Variants in BACH2 observed in about 807,000 individuals in gnomAD.
BACH2 encodes transcription regulator protein BACH2.
In BACH2, 5 loss-of-function variants were observed where a neutral mutation model predicts 61.8. The observed-to-expected ratio is 0.08, with a 90% CI of 0.04 to 0.17. The LOEUF is 0.17. BACH2 is among the 10% of genes least tolerant of loss of function. The pLI is 1.00. For missense variants in BACH2, 824 were observed against 1,091.1 expected, an observed-to-expected ratio of 0.76 and a Z score of 3.45; for synonymous variants, 446 against 440.1, an observed-to-expected ratio of 1.01 and a Z score of -0.17.
intron 5 of BACH2, among the ~76,000 whole-genome samples, chr6:90,028,407 A>G (rs1342518603): frequency 6.6e-6 from 1 of 152,182 alleles, no homozygotes; most frequent in Non-Finnish European, 1.5e-5. Context: ...CGTGCTTTGG[A>G]TACTCTATCC....
In BACH2 at chr6:90,103,006, C is replaced by CATATAT. The variant is rs1250122835; in HGVS notation, c.-161-13903_-161-13898dup. 1.4e-3 allele frequency among the ~76,000 whole-genome samples: 63 copies of CATATAT among 44,932 alleles called. 5 individuals carry two copies. Among genetic ancestry groups the CATATAT allele is most frequent in the Middle Eastern group, 0.016 (1 of 62 alleles). The allele number at this position is 44,932 out of a possible 152,430, so 29.5% of individuals were successfully genotyped here. A position where few individuals can be genotyped will look rare whatever the true frequency, so the allele number is the denominator to read the frequency against. ...AAAAACTGCTAAATTTGACACAATA[C>CATATAT]ATATATATATATATATATATATATT... On this transcript the variant is annotated intron_variant, in intron 4 of 8. Coordinates refer to ENST00000257749, the MANE Select transcript of BACH2 (RefSeq NM_021813.4).
chr6:90,051,507 G>C (rs968228459), intron 5 of BACH2, among the ~76,000 whole-genome samples: 6 of 152,152 alleles, frequency 3.9e-5, no homozygotes, highest in Admixed American at 2.6e-4. Flanking sequence ...TTGAGTAGTA[G>C]TGAGAGAGAC....
At chr6:90,137,828 T>C (rs1040599865) in intron 4 of BACH2, among the ~76,000 whole-genome samples, 7 of 152,102 alleles carry the variant, frequency 4.6e-5, no homozygotes, top group African/African-American at 1.7e-4. Context: ...TGCCCAGACT[T>C]CTAATAAGAT....
At chr6:90,192,232 C>T (rs1052387987) in intron 4 of BACH2, among the ~76,000 whole-genome samples, 7 of 151,918 alleles carry the variant, frequency 4.6e-5, no homozygotes, top group Non-Finnish European at 1.0e-4. Context: ...CTATCACTCT[C>T]TTTTTCATGG....
chr6:89,976,374 A>T (rs1029341938), intron 6 of BACH2, among the ~76,000 whole-genome samples: 2 of 152,230 alleles, frequency 1.3e-5, no homozygotes, highest in East Asian at 3.9e-4. Context: ...CTTAGGGGGC[A>T]TCTGTAAGGC....
chr6:90,239,674 G>T (rs1251121254), intron 3 of BACH2, among the ~76,000 whole-genome samples: 1 of 151,958 alleles, frequency 6.6e-6, no homozygotes, highest in Non-Finnish European at 1.5e-5. Context: ...CTAAGAGATG[G>T]ACCTTATCTT....
At chr6:90,147,738 GAA>G (rs1248904740) in intron 4 of BACH2, among the ~76,000 whole-genome samples, 1 of 152,102 alleles carries the variant, frequency 6.6e-6, no homozygotes. Context: ...CACCGTAATT[GAA>G]AAAATAAAGT....
intron 7 of BACH2, among the ~76,000 whole-genome samples, chr6:89,939,256 C>A (rs1407229668): frequency 6.6e-6 from 1 of 152,140 alleles, no homozygotes; most frequent in Non-Finnish European, 1.5e-5. Context: ...CATCACCTTG[C>A]CAGTCATGTG....
intron 1 of BACH2, among the ~76,000 whole-genome samples, chr6:90,272,316 T>C (rs930562410): frequency 1.3e-5 from 2 of 152,098 alleles, no homozygotes; most frequent in Non-Finnish European, 2.9e-5. Context: ...GTTTCTTTTA[T>C]GGTTTCCTGC....
chr6:90,180,855 T>C (rs991985587), intron 4 of BACH2, among the ~76,000 whole-genome samples: 8 of 133,182 alleles, frequency 6.0e-5, no homozygotes, highest in Non-Finnish European at 1.2e-4. Flanking sequence ...TGGAATTATG[T>C]GTATTACACA....
At chr6:90,224,039 C>T (rs1212699006) in intron 3 of BACH2, among the ~76,000 whole-genome samples, 1 of 152,128 alleles carries the variant, frequency 6.6e-6, no homozygotes. Context: ...AATTTTGGCA[C>T]CTGAATTCTG....
chr6:89,957,598 G>A (rs1381358820), intron 6 of BACH2, among the ~76,000 whole-genome samples: 2 of 152,130 alleles, frequency 1.3e-5, no homozygotes, highest in African/African-American at 4.8e-5. Context: ...GAGTGCAGTG[G>A]CATGATCTTG....
chr6:90,121,704 C>T (rs562700096), intron 4 of BACH2, among the ~76,000 whole-genome samples: 4 of 151,838 alleles, frequency 2.6e-5, no homozygotes, highest in Non-Finnish European at 5.9e-5. Context: ...ACCACCATAC[C>T]CAGCTAATTT....
chr6:90,087,170 T>C (rs965711333), intron 5 of BACH2, among the ~76,000 whole-genome samples: 2 of 152,206 alleles, frequency 1.3e-5, no homozygotes, highest in African/African-American at 4.8e-5. Flanking sequence ...GTTCTTTCTT[T>C]GCTTGGCAAT....
chr6:90,189,262 G>T (rs1335906435), intron 4 of BACH2, among the ~76,000 whole-genome samples: 1 of 152,160 alleles, frequency 6.6e-6, no homozygotes, highest in Non-Finnish European at 1.5e-5. Context: ...GGATTTCCTG[G>T]AGAGTAGTAA....
At chr6:90,085,456 AGCC>A in intron 5 of BACH2, among the ~76,000 whole-genome samples, 1 of 152,200 alleles carries the variant, frequency 6.6e-6, no homozygotes, top group African/African-American at 2.4e-5. Flanking sequence ...GAACTGGAGC[AGCC>A]CCACTGCTGG....
chr6:90,076,110 G>C (rs1562424164), intron 5 of BACH2, among the ~76,000 whole-genome samples: 2 of 152,138 alleles, frequency 1.3e-5, no homozygotes, highest in African/African-American at 2.4e-5. Flanking sequence ...TGTTAACTTT[G>C]AGTTCTTTCA....
Position 89,971,668 on chromosome 6 carries a change from G to A in BACH2, c.244-19806C>T, listed in dbSNP as rs1392674618. 2.6e-5 allele frequency among the ~76,000 whole-genome samples: 4 copies of A among 152,162 alleles called. No individual in the cohort carries two copies. In the East Asian group the frequency reaches 7.7e-4, roughly 29 times the overall value. On this transcript the variant is annotated intron_variant, in intron 6 of 8. Transcript: ENST00000257749. Reference sequence around the variant, plus strand: ...ACTCACAGTTCCACATGGCTGGGGAGGCCTCAGTCATGGTGGAAGATGAAG... The same window carrying A: ...ACTCACAGTTCCACATGGCTGGGGAAGCCTCAGTCATGGTGGAAGATGAAG...
rs537522039 is a variant in BACH2 at position 90,021,248 on chromosome 6, A to G, written c.-12-12392T>C. Among the ~76,000 whole-genome samples the G allele has an allele frequency of 1.1e-3, 173 of 152,012 alleles. 1 individual carries two copies. The highest frequency in any genetic ancestry group is 1.8e-3 in the Non-Finnish European group (123 of 67,974). ...CTTCATTCATTATCGGGTCATATTC[A>G]GAAATGAAAATGTCTAATAGTTCTG... On this transcript the variant is annotated intron_variant, in intron 5 of 8. Transcript: ENST00000257749.
Sources: gnomAD v4.1 joint callset for allele counts (sites outside exome capture counted in the v4.1 genomes callset) on GRCh38, gnomAD v4.1.1 for gene constraint, MANE v1.5 for transcripts, NCBI Gene and HGNC (gene_info 2026-07-23, HGNC 2026-07-21) for gene names.